HESX1: variants seen among roughly 807,000 people sequenced by gnomAD.
The protein encoded by HESX1 is homeobox expressed in ES cells 1.
Under a neutral mutation model 22.5 loss-of-function variants are expected in HESX1, and 11 were observed. That is an observed-to-expected ratio of 0.49 (90% CI 0.31 to 0.81). HESX1 has a LOEUF of 0.81. Among genes scored for constraint, HESX1 ranks in the 30% least tolerant of loss-of-function variants. HESX1 has a pLI of 0.05. For synonymous variants in HESX1, 74 were observed against 76.5 expected (o/e 0.97, Z 0.17); for missense variants, 201 against 212.6 (o/e 0.95, Z 0.34).
Position 57,199,862 on chromosome 3 carries a change from G to C in HESX1, c.57C>G (p.Cys19Trp). Residue 19 changes from cysteine to tryptophan, a missense_variant, in exon 1 of 4, where the codon TGC becomes TGG. Transcript: ENST00000295934. ...AQLGENKPSTCSFSIERILGL... is the reference protein window; with the variant it reads ...AQLGENKPSTWSFSIERILGL... ...CTAAGATTCTCTCAATTGAAAAGGA[G>C]CAAGTTGAGGGTTTGTTTTCCCCGA... is the stretch of plus-strand genomic sequence containing the variant. 6.2e-7 allele frequency: 1 copy of C among 1,614,020 alleles called. No homozygotes were observed. The highest frequency in any genetic ancestry group is 1.7e-4 in the Middle Eastern group (1 of 6,056).
chr3:57,203,158 G>C (rs1359467311), upstream of HESX1, among the ~76,000 whole-genome samples: 1 of 152,184 alleles, frequency 6.6e-6, no homozygotes, highest in Non-Finnish European at 1.5e-5. Context: ...TGTGGAAAGG[G>C]ATTAGAGAGA....
chr3:57,227,109 T>TG (rs1323010026), upstream of HESX1, among the ~76,000 whole-genome samples: 11 of 152,206 alleles, frequency 7.2e-5, no homozygotes, highest in African/African-American at 2.7e-4. Context: ...GAGTTGGAGT[T>TG]GCAGCGTCAG....
chr3:57,227,564 A>C (rs113472303), upstream of HESX1, among the ~76,000 whole-genome samples: 184 of 152,334 alleles, frequency 1.2e-3, 1 homozygote, highest in African/African-American at 4.3e-3. Context: ...AGGCCATCCC[A>C]GGGCAGACAC....
chr3:57,222,687 C>G (rs1005163496), intron 1 of HESX1, among the ~76,000 whole-genome samples: 4 of 152,044 alleles, frequency 2.6e-5, no homozygotes, highest in Non-Finnish European at 4.4e-5. Context: ...AAAAACAAAA[C>G]AAAAAACAAA....
chr3:57,199,895 G>A lies in HESX1; in HGVS notation c.24C>T (p.Gly8=), dbSNP rs112779598. The change falls in exon 1 of 4, where the codon GGC becomes GGT. Residue 8 remains glycine, a synonymous_variant. Transcript: ENST00000295934. ...AGGGTTTGTTTTCCCCGAGCTGAGC[G>A]CCTTCCTGAAGGCTGGGAGACATCC... is the stretch of plus-strand genomic sequence containing the variant. MSPSLQE[G]AQLGENKPST... is the part of the protein sequence containing the mutation. 8 of 1,613,988 alleles carry A rather than the reference G, an allele frequency of 5.0e-6. No homozygotes were observed. Among genetic ancestry groups the A allele is most frequent in the Non-Finnish European group, 6.8e-6 (8 of 1,179,960 alleles).
intron 1 of HESX1, among the ~76,000 whole-genome samples, chr3:57,213,348 A>C (rs1041373297): frequency 6.6e-6 from 1 of 152,202 alleles, no homozygotes; most frequent in Admixed American, 6.5e-5. Context: ...AATCTTTACC[A>C]GTGAACACTC....
At chr3:57,222,443 G>A (rs1226303772) in intron 1 of HESX1, among the ~76,000 whole-genome samples, 1 of 151,948 alleles carries the variant, frequency 6.6e-6, no homozygotes, top group Admixed American at 6.6e-5. Context: ...ATTTTTTGTA[G>A]AGACACGGTC....
intron 1 of HESX1, among the ~76,000 whole-genome samples, chr3:57,221,305 C>T (rs2060614719): frequency 6.6e-6 from 1 of 151,558 alleles, no homozygotes; most frequent in Non-Finnish European, 1.5e-5. Flanking sequence ...AGGTACACAC[C>T]ACCATACCCA....
At chr3:57,200,315 C>T (rs1338956279), upstream of HESX1, among the ~76,000 whole-genome samples, 1 of 152,262 alleles carries the variant, frequency 6.6e-6, no homozygotes, top group East Asian at 1.9e-4. Flanking sequence ...GAAGTTTATA[C>T]TTTCATGGGC....
chr3:57,222,449 C>T (rs535685540), intron 1 of HESX1, among the ~76,000 whole-genome samples: 25 of 151,876 alleles, frequency 1.6e-4, no homozygotes, highest in Non-Finnish European at 2.6e-4. Flanking sequence ...TGTAGAGACA[C>T]GGTCTCACTA....
At chr3:57,216,322 A>G (rs1229714659) in intron 1 of HESX1, among the ~76,000 whole-genome samples, 1 of 152,202 alleles carries the variant, frequency 6.6e-6, no homozygotes, top group Non-Finnish European at 1.5e-5. Flanking sequence ...ATTTAAGGTT[A>G]TCTGGGCTGG....
chr3:57,203,791 G>A (rs761206622), upstream of HESX1, among the ~76,000 whole-genome samples: 7 of 152,134 alleles, frequency 4.6e-5, no homozygotes, highest in Admixed American at 2.6e-4. Flanking sequence ...CTGACCTCAA[G>A]TGGTCTGCCT....
intron 1 of HESX1, among the ~76,000 whole-genome samples, chr3:57,215,351 A>G (rs2060577111): frequency 6.6e-6 from 1 of 152,212 alleles, no homozygotes; most frequent in Non-Finnish European, 1.5e-5. Flanking sequence ...TAGGGATAGA[A>G]AAGAGCAAAG....
intron 1 of HESX1, 134 bp downstream of exon 1, chr3:57,199,621 GAAAAAAA>G (rs113245988): frequency 1.1e-4 from 39 of 364,440 alleles, no homozygotes; most frequent in Admixed American, 2.0e-4. Context: ...CTCTGTCTCA[GAAAAAAA>G]AAAAAAATAA....
chr3:57,199,628 A>G (rs888451091), intron 1 of HESX1, 134 bp downstream of exon 1: 6 of 541,716 alleles, frequency 1.1e-5, no homozygotes, highest in Non-Finnish European at 1.6e-5. Flanking sequence ...TCAGAAAAAA[A>G]AAAAAAATAA....
Position 57,199,926 on chromosome 3 carries a change from T to A in HESX1, c.-8A>T. The A allele has an allele frequency of 6.2e-7, 1 of 1,613,600 alleles. No individual in the cohort carries two copies. The highest frequency in any genetic ancestry group is 8.5e-7 in the Non-Finnish European group (1 of 1,179,768). On this transcript the variant is annotated 5_prime_UTR_variant, in exon 1 of 4. Transcript: ENST00000295934. ...CTGAAGGCTGGGAGACATCCTCTCGTGGTCTGCACAGAGCAACAGCTCTGG... is the reference window on the plus strand; with the variant it reads ...CTGAAGGCTGGGAGACATCCTCTCGAGGTCTGCACAGAGCAACAGCTCTGG...
chr3:57,200,690 A>G (rs1221772219), upstream of HESX1, among the ~76,000 whole-genome samples: 1 of 152,218 alleles, frequency 6.6e-6, no homozygotes, highest in Non-Finnish European at 1.5e-5. Flanking sequence ...ACATGTTTAT[A>G]TGAAGGTTCA....
At chr3:57,224,196 C>A (rs1029448425) in intron 1 of HESX1, among the ~76,000 whole-genome samples, 8 of 152,288 alleles carry the variant, frequency 5.3e-5, no homozygotes, top group Admixed American at 1.3e-4. Context: ...GTTGCCCAGC[C>A]TGGTCTTGAA....
At chr3:57,227,128 G>C (rs1262457713), upstream of HESX1, among the ~76,000 whole-genome samples, 2 of 152,150 alleles carry the variant, frequency 1.3e-5, no homozygotes, top group Non-Finnish European at 2.9e-5. Context: ...AGTCCTGAAG[G>C]ACTGACCTCG....
Sources: gnomAD v4.1 joint callset for allele counts (sites outside exome capture counted in the v4.1 genomes callset) on GRCh38, gnomAD v4.1.1 for gene constraint, MANE v1.5 for transcripts, NCBI Gene and HGNC (gene_info 2026-07-23, HGNC 2026-07-21) for gene names.